Variants in CREG2 observed in about 807,000 individuals in gnomAD.
The protein encoded by CREG2 is protein CREG2.
CREG2 carries 24 observed loss-of-function variants against 26.2 expected under a neutral mutation model. The observed-to-expected ratio is 0.92, with a 90% CI of 0.66 to 1.29. The LOEUF (loss-of-function observed/expected upper bound fraction) is 1.29, where lower values mean the gene tolerates loss of function less well. Ranked by LOEUF, CREG2 falls within the 50% of genes most tolerant of loss-of-function variation. The probability of loss-of-function intolerance (pLI) is 0.00; values close to 1 mark genes in which losing one functional copy is unlikely to be tolerated. For synonymous variants in CREG2, 174 were observed against 169.2 expected (o/e 1.03, Z -0.22); for missense variants, 366 against 398.6 (o/e 0.92, Z 0.70).
At chr2:101,383,779 G>A (rs1573319781) in intron 1 of CREG2, 77 bp from the exon 2 acceptor site, 1 of 1,395,828 alleles carries the variant, frequency 7.2e-7, no homozygotes, top group East Asian at 2.3e-5. Flanking sequence ...TTGTGCCTCT[G>A]GCTAGGAAAT....
chr2:101,355,965 T>G (rs1684452228), intron 2 of CREG2, among the ~76,000 whole-genome samples: 1 of 151,680 alleles, frequency 6.6e-6, no homozygotes, highest in African/African-American at 2.4e-5. Flanking sequence ...GGTACCCAGG[T>G]TCTTGTCTGG....
chr2:101,379,558 C>T (rs781451299), intron 2 of CREG2, among the ~76,000 whole-genome samples: 3 of 152,172 alleles, frequency 2.0e-5, no homozygotes, highest in Non-Finnish European at 4.4e-5. Flanking sequence ...ATCTAAATAT[C>T]ATTTTTGAGT....
At chr2:101,384,367 C>T (rs1041153924) in intron 1 of CREG2, among the ~76,000 whole-genome samples, 1 of 152,166 alleles carries the variant, frequency 6.6e-6, no homozygotes, top group African/African-American at 2.4e-5. Flanking sequence ...TTCATGATCA[C>T]CCACTAGGGT....
chr2:101,369,766 T>G (rs1330169290), intron 2 of CREG2, among the ~76,000 whole-genome samples: 3 of 152,208 alleles, frequency 2.0e-5, no homozygotes, highest in Non-Finnish European at 2.9e-5. Context: ...ACCCAGCAGA[T>G]GCTCAGTGAG....
chr2:101,349,075 C>T lies in CREG2; in HGVS notation c.*1848G>A, dbSNP rs1396358471. 1.3e-5 allele frequency: 2 copies of T among 152,604 alleles called. No homozygotes were observed. Among genetic ancestry groups the T allele is most frequent in the African/African-American group, 4.8e-5 (2 of 41,444 alleles). The allele number at this position is 152,604 out of a possible 1,614,324, so 9.5% of individuals were successfully genotyped here. A position where few individuals can be genotyped will look rare whatever the true frequency, so the allele number is the denominator to read the frequency against. ...AATGGAACCTGACTATAAACGCAAA[C>T]CTAGCCAGGGGACCTTATCTGCAAG... On this transcript the variant is annotated 3_prime_UTR_variant, in exon 4 of 4. Coordinates refer to ENST00000324768, the MANE Select transcript of CREG2 (RefSeq NM_153836.4).
intron 2 of CREG2, among the ~76,000 whole-genome samples, chr2:101,368,613 G>C (rs1684654309): frequency 6.6e-6 from 1 of 152,230 alleles, no homozygotes; most frequent in Non-Finnish European, 1.5e-5. Flanking sequence ...ATGGAATCCT[G>C]AGAGTCAATG....
chr2:101,361,554 C>A (rs1684539395), intron 2 of CREG2, among the ~76,000 whole-genome samples: 1 of 152,228 alleles, frequency 6.6e-6, no homozygotes, highest in Admixed American at 6.5e-5. Flanking sequence ...GGTCAGGAAA[C>A]AGACTCTGCC....
chr2:101,362,880 G>A (rs1394392199), intron 2 of CREG2, among the ~76,000 whole-genome samples: 2 of 152,114 alleles, frequency 1.3e-5, no homozygotes, highest in African/African-American at 2.4e-5. Context: ...GTGGCCATCT[G>A]GGGAGCCCAG....
chr2:101,369,737 G>T (rs559487859), intron 2 of CREG2, among the ~76,000 whole-genome samples: 6 of 152,078 alleles, frequency 3.9e-5, no homozygotes, highest in Non-Finnish European at 4.4e-5. Context: ...ATCCGTGACG[G>T]TGTTTAGCAT....
At chr2:101,358,320 C>T (rs918929186) in intron 2 of CREG2, among the ~76,000 whole-genome samples, 7 of 152,148 alleles carry the variant, frequency 4.6e-5, no homozygotes, top group Non-Finnish European at 7.3e-5. Context: ...CTGGGTATAT[C>T]CCAGACTCCA....
chr2:101,357,678 C>A (rs1303408673), intron 2 of CREG2, among the ~76,000 whole-genome samples: 1 of 152,098 alleles, frequency 6.6e-6, no homozygotes, highest in Non-Finnish European at 1.5e-5. Flanking sequence ...TACATCACCT[C>A]ATTTTGTTTG....
intron 2 of CREG2, among the ~76,000 whole-genome samples, chr2:101,359,564 A>G (rs1008767618): frequency 2.0e-5 from 3 of 152,172 alleles, no homozygotes; most frequent in African/African-American, 4.8e-5. Flanking sequence ...GGTGTGACCA[A>G]TTATTTTTTT....
At chr2:101,354,483 G>A (rs535594849) in intron 3 of CREG2, among the ~76,000 whole-genome samples, 2 of 152,082 alleles carry the variant, frequency 1.3e-5, no homozygotes, top group South Asian at 2.1e-4. Context: ...GTTGTGGATC[G>A]CCCCTCCAGC....
chr2:101,351,753 C>CT (rs1249292035), intron 3 of CREG2, among the ~76,000 whole-genome samples: 2 of 151,914 alleles, frequency 1.3e-5, no homozygotes. Context: ...TGGCTTACTT[C>CT]TTTTTTTTAA....
In CREG2 at chr2:101,348,590, A is replaced by T. The variant is rs1416859436; in HGVS notation, c.*2333T>A. On this transcript the variant is annotated 3_prime_UTR_variant, in exon 4 of 4. Coordinates refer to ENST00000324768, the MANE Select transcript of CREG2 (RefSeq NM_153836.4). ...TTTTAGTTTTTTTCCCCACATGTTCATCGTTAGCATAGAGAAATGCAATTG... is the reference window on the plus strand; with the variant it reads ...TTTTAGTTTTTTTCCCCACATGTTCTTCGTTAGCATAGAGAAATGCAATTG... The T allele has an allele frequency of 4.6e-5, 7 of 152,180 alleles. No individual in the cohort carries two copies. The highest frequency in any genetic ancestry group is 4.6e-4 in the Admixed American group (7 of 15,280). The allele number at this position is 152,180 out of a possible 1,614,324, so 9.4% of individuals were successfully genotyped here. A position where few individuals can be genotyped will look rare whatever the true frequency, so the allele number is the denominator to read the frequency against.
intron 2 of CREG2, among the ~76,000 whole-genome samples, chr2:101,358,422 G>C (rs1335874861): frequency 6.6e-6 from 1 of 152,012 alleles, no homozygotes; most frequent in Non-Finnish European, 1.5e-5. Flanking sequence ...TATCATGCTG[G>C]GACATTTTCT....
Position 101,364,933 on chromosome 2 carries a change from G to A in CREG2, c.612-9567C>T, listed in dbSNP as rs571809603. On this transcript the variant is annotated intron_variant, in intron 2 of 3. Coordinates refer to ENST00000324768, the MANE Select transcript of CREG2 (RefSeq NM_153836.4). ...GGGAGGATCGTGATGGGGGCAAAGG[G>A]TTGGCAGCTCCATGTGGTCCAAGCA... 2.0e-5 allele frequency among the ~76,000 whole-genome samples: 3 copies of A among 152,348 alleles called. No homozygotes were observed. The South Asian group carries it at 6.2e-4, about 32-fold the overall frequency.
At chr2:101,372,012 G>C (rs1393604962) in intron 2 of CREG2, among the ~76,000 whole-genome samples, 1 of 152,186 alleles carries the variant, frequency 6.6e-6, no homozygotes, top group African/African-American at 2.4e-5. Flanking sequence ...TCTTATTTTT[G>C]AAGGCCAGGT....
At chr2:101,351,161 C>A in intron 3 of CREG2, 91 bp from the exon 4 acceptor site, 1 of 1,312,116 alleles carries the variant, frequency 7.6e-7, no homozygotes. Context: ...GTCCAGGCCT[C>A]ATTTGGGCTG....
Sources: allele counts gnomAD v4.1 joint callset (sites outside exome capture counted in the v4.1 genomes callset), GRCh38; gene constraint gnomAD v4.1.1; transcripts MANE v1.5; gene names NCBI Gene and HGNC (gene_info 2026-07-23, HGNC 2026-07-21).